TARS3: variants seen among roughly 807,000 people sequenced by gnomAD.
TARS3 encodes the protein threonyl-tRNA synthetase 3.
Under a neutral mutation model 103.5 loss-of-function variants are expected in TARS3, and 94 were observed. The observed-to-expected ratio is 0.91, with a 90% CI of 0.77 to 1.08. The LOEUF is 1.08. Ranked by LOEUF, TARS3 falls within the 50% of genes least tolerant of loss-of-function variation. The pLI, the probability that TARS3 is intolerant of heterozygous loss-of-function variation, is 0.00. For synonymous variants in TARS3, 416 were observed against 355.4 expected (o/e 1.17, Z -1.92); for missense variants, 952 against 995.2 (o/e 0.96, Z 0.58).
intron 13 of TARS3, 146 bp from the exon 14 acceptor site, chr15:101,671,894 T>C (rs758262836): frequency 1.0e-5 from 7 of 688,662 alleles, no homozygotes; most frequent in Admixed American, 5.8e-5. Flanking sequence ...CAATAAACTA[T>C]TGAGCAGGGA....
Position 101,708,928 on chromosome 15 carries a change from G to A in TARS3, c.813-18C>T. 2 of 1,475,590 alleles carry A rather than the reference G, an allele frequency of 1.4e-6. No homozygotes were observed. Among genetic ancestry groups the A allele is most frequent in the Admixed American group, 2.1e-5 (1 of 47,034 alleles). 91.4% of individuals were successfully genotyped at this position (1,475,590 alleles called of 1,614,324 possible). On this transcript the variant is annotated intron_variant, in intron 5 of 18. Transcript: ENST00000335968. ...ACACTGCTCTAAAAAGAAGAGCAGAGAACCGACATCCATCTTCCAGACATT... is the reference window on the plus strand; with the variant it reads ...ACACTGCTCTAAAAAGAAGAGCAGAAAACCGACATCCATCTTCCAGACATT...
intron 17 of TARS3, among the ~76,000 whole-genome samples, chr15:101,657,351 G>A (rs1440883634): frequency 6.6e-6 from 1 of 152,200 alleles, no homozygotes; most frequent in Admixed American, 6.5e-5. Flanking sequence ...AGCGAGCCCC[G>A]AGCTCCGCAG....
At chr15:101,718,055 C>T (rs1210799230) in intron 3 of TARS3, among the ~76,000 whole-genome samples, 1 of 152,070 alleles carries the variant, frequency 6.6e-6, no homozygotes, top group African/African-American at 2.4e-5. Flanking sequence ...GCTTGTAGCA[C>T]ACAAGAAAGC....
intron 12 of TARS3, among the ~76,000 whole-genome samples, chr15:101,680,151 C>T (rs1898202377): frequency 6.6e-6 from 1 of 152,178 alleles, no homozygotes; most frequent in Non-Finnish European, 1.5e-5. Context: ...TCCTAATAAG[C>T]CTTCTCTTAC....
chr15:101,715,792 T>G (rs2141452974), intron 3 of TARS3, among the ~76,000 whole-genome samples: 1 of 152,336 alleles, frequency 6.6e-6, no homozygotes, highest in South Asian at 2.1e-4. Context: ...TCTTGCGACT[T>G]CTGTGACTGT....
At chr15:101,697,691 G>A (rs1899046841) in intron 10 of TARS3, among the ~76,000 whole-genome samples, 1 of 152,110 alleles carries the variant, frequency 6.6e-6, no homozygotes, top group Admixed American at 6.5e-5. Context: ...AAGATCTTAA[G>A]GGCGGGGCTG....
chr15:101,712,561 G>T (rs1318689054), intron 4 of TARS3, among the ~76,000 whole-genome samples: 1 of 152,166 alleles, frequency 6.6e-6, no homozygotes, highest in African/African-American at 2.4e-5. Flanking sequence ...AGTGTTGCCA[G>T]GGAACGTCTG....
intron 13 of TARS3, among the ~76,000 whole-genome samples, chr15:101,674,935 G>C (rs1324736871): frequency 6.6e-6 from 1 of 152,152 alleles, no homozygotes; most frequent in East Asian, 1.9e-4. Context: ...TCCACTTGGG[G>C]TCTTATTCCC....
chr15:101,684,238 C>G lies in TARS3; in HGVS notation c.1488-1G>C. The G allele has an allele frequency of 6.2e-7, 1 of 1,613,068 alleles. No homozygotes were observed. Among genetic ancestry groups the G allele is most frequent in the South Asian group, 1.1e-5 (1 of 90,886 alleles). ...TCGTGGACGATGGGCAAACATTAGA[C>G]TAGAAAAGATGTGGTAACACACAGC... On this transcript the variant is annotated splice_acceptor_variant, in intron 11 of 18. Coordinates refer to ENST00000335968, the MANE Select transcript of TARS3 (RefSeq NM_152334.3). LOFTEE classifies it high-confidence loss of function.
chr15:101,714,729 T>C (rs569809934), intron 4 of TARS3, 111 bp downstream of exon 4: 341 of 978,798 alleles, frequency 3.5e-4, no homozygotes, highest in Admixed American at 1.0e-3. Flanking sequence ...TTTTAAATCT[T>C]AGAAACCCCC....
intron 16 of TARS3, 121 bp downstream of exon 16, chr15:101,661,591 C>T (rs896763910): frequency 4.8e-6 from 3 of 619,948 alleles, no homozygotes; most frequent in Admixed American, 3.5e-5. Context: ...TTTGTTACTA[C>T]TTTTTTCTTT....
rs1327581612 is a variant in TARS3 at position 101,654,142 on chromosome 15, TAGAAGATAA to T, written c.*431_*439del. The T allele has an allele frequency of 6.4e-6, 1 of 155,596 alleles. No homozygotes were observed. The highest frequency in any genetic ancestry group is 2.4e-5 in the African/African-American group (1 of 41,508). The allele number at this position is 155,596 out of a possible 1,614,324, so 9.6% of individuals were successfully genotyped here. The stretch of plus-strand genomic sequence containing the variant: ...TTAAAATTAAGTAATGATTCCAGTT[TAGAAGATAA>T]AGTTTCAGTGTGAATTTTAGTAGAA... On this transcript the variant is annotated 3_prime_UTR_variant, in exon 19 of 19. Coordinates refer to ENST00000335968, the MANE Select transcript of TARS3 (RefSeq NM_152334.3).
chr15:101,711,498 C>T, intron 5 of TARS3, among the ~76,000 whole-genome samples: 1 of 152,200 alleles, frequency 6.6e-6, no homozygotes, highest in Admixed American at 6.5e-5. Flanking sequence ...CATCAGCCTA[C>T]TCAACGTGAA....
intron 10 of TARS3, among the ~76,000 whole-genome samples, chr15:101,687,155 C>T (rs1898509515): frequency 6.6e-6 from 1 of 152,072 alleles, no homozygotes; most frequent in East Asian, 1.9e-4. Flanking sequence ...GTAATCCCAG[C>T]ACTTTGGGAG....
intron 2 of TARS3, 125 bp from the exon 3 acceptor site, chr15:101,721,447 T>C (rs1295629858): frequency 2.3e-5 from 15 of 648,270 alleles, no homozygotes; most frequent in Middle Eastern, 4.4e-4. Context: ...AAGCTTACCA[T>C]GGTTTGAATT....
intron 12 of TARS3, among the ~76,000 whole-genome samples, chr15:101,676,726 C>T (rs1342609991): frequency 2.0e-5 from 3 of 151,082 alleles, no homozygotes; most frequent in East Asian, 1.9e-4. Flanking sequence ...AGGCTGGTCT[C>T]GAACTCCTGG....
At chr15:101,687,861 T>C (rs1255810152) in intron 10 of TARS3, among the ~76,000 whole-genome samples, 2 of 152,128 alleles carry the variant, frequency 1.3e-5, no homozygotes, top group Non-Finnish European at 2.9e-5. Flanking sequence ...TGGTCCTCTT[T>C]CTGCCATCTG....
chr15:101,724,149 C>A lies in TARS3; in HGVS notation c.239G>T (p.Ser80Ile). 1 of 1,465,726 alleles carries A rather than the reference C, an allele frequency of 6.8e-7. No individual in the cohort carries two copies. Among genetic ancestry groups the A allele is most frequent in the South Asian group, 1.3e-5 (1 of 75,694 alleles). The allele number at this position is 1,465,726 out of a possible 1,614,324, so 90.8% of individuals were successfully genotyped here. ...CGCGCTCTCCAGCGTGGCCTGGCGG[C>A]TCCGCTCCTCGGCGAGGCACAGCCG... ...SLRLCLAEER[S>I]RQATLESAEL... Residue 80 changes from serine (S) to isoleucine (I), a missense_variant, in exon 1 of 19, where the codon AGC becomes ATC. Around this residue, in one of 2 missense-constraint regions of TARS3, gnomAD observed 412 missense variants for 364.2 expected, o/e 1.13. Coordinates refer to ENST00000335968, the MANE Select transcript of TARS3 (RefSeq NM_152334.3).
At chr15:101,663,857 T>C (rs148343565) in intron 15 of TARS3, among the ~76,000 whole-genome samples, 4 of 152,248 alleles carry the variant, frequency 2.6e-5, no homozygotes, top group Admixed American at 2.6e-4. Context: ...TGAGATGCTA[T>C]TGCTGTTTTC....
Sources: allele counts gnomAD v4.1 joint callset (sites outside exome capture counted in the v4.1 genomes callset), GRCh38; gene constraint gnomAD v4.1.1; regional missense constraint gnomAD v4.1.1; transcripts MANE v1.5; gene names NCBI Gene and HGNC (gene_info 2026-07-23, HGNC 2026-07-21).